The following GMEB1 variants were observed in gnomAD, a reference collection of about 807,000 sequenced individuals.
The protein encoded by GMEB1 is glucocorticoid modulatory element-binding protein 1.
Under a neutral mutation model 52.4 loss-of-function variants are expected in GMEB1, and 6 were observed. That is an observed-to-expected ratio of 0.11 (90% CI 0.06 to 0.23). The LOEUF (loss-of-function observed/expected upper bound fraction) is 0.23, where lower values mean the gene tolerates loss of function less well. Ranked by LOEUF, GMEB1 falls within the 10% of genes least tolerant of loss-of-function variation. GMEB1 has a pLI of 1.00. For synonymous variants in GMEB1, 255 were observed against 244.9 expected (o/e 1.04, Z -0.38); for missense variants, 486 against 685.6 (o/e 0.71, Z 3.25).
intron 3 of GMEB1, 126 bp from the exon 4 acceptor site, chr1:28,691,459 A>T (rs1669959440): frequency 1.9e-6 from 1 of 515,808 alleles, no homozygotes; most frequent in Non-Finnish European, 3.1e-6. Flanking sequence ...CTTCCAGAGG[A>T]TTCCTAAATG....
At chr1:28,673,682 G>A (rs1322992171) in intron 1 of GMEB1, among the ~76,000 whole-genome samples, 3 of 152,202 alleles carry the variant, frequency 2.0e-5, no homozygotes, top group Admixed American at 6.6e-5. Context: ...TATATAAGCA[G>A]CGATGTGCTT....
At chr1:28,699,741 T>C (rs1321920882) in intron 6 of GMEB1, among the ~76,000 whole-genome samples, 1 of 151,598 alleles carries the variant, frequency 6.6e-6, no homozygotes, top group Non-Finnish European at 1.5e-5. Flanking sequence ...TTTTTTGTTT[T>C]TTTTTTTCTT....
chr1:28,671,292 A>C (rs1026420324), intron 1 of GMEB1, among the ~76,000 whole-genome samples: 7 of 152,092 alleles, frequency 4.6e-5, no homozygotes, highest in Admixed American at 4.6e-4. Flanking sequence ...TTTTGGGGGA[A>C]CAGAGTTTCC....
intron 4 of GMEB1, among the ~76,000 whole-genome samples, 153 bp from the exon 5 acceptor site, chr1:28,692,789 A>G (rs1314084628): frequency 1.3e-5 from 2 of 152,180 alleles, no homozygotes; most frequent in African/African-American, 2.4e-5. Context: ...CGTCTTCTCT[A>G]ACACAATAGT....
At chr1:28,677,229 C>A in intron 1 of GMEB1, among the ~76,000 whole-genome samples, 1 of 150,568 alleles carries the variant, frequency 6.6e-6, no homozygotes, top group African/African-American at 2.4e-5. Context: ...TCAAGCATTT[C>A]AAATAAGGGA....
At chr1:28,683,110 G>C (rs1181999795) in intron 1 of GMEB1, among the ~76,000 whole-genome samples, 2 of 152,132 alleles carry the variant, frequency 1.3e-5, no homozygotes, top group Non-Finnish European at 2.9e-5. Context: ...GGAAGGATCA[G>C]AGCCTGTGAT....
chr1:28,676,901 A>C (rs1213804583), intron 1 of GMEB1, among the ~76,000 whole-genome samples: 8 of 151,954 alleles, frequency 5.3e-5, no homozygotes, highest in Non-Finnish European at 1.2e-4. Flanking sequence ...AAAATACAAA[A>C]AGATTAGCTA....
At chr1:28,697,368 C>T (rs188308094) in intron 6 of GMEB1, among the ~76,000 whole-genome samples, 3 of 151,922 alleles carry the variant, frequency 2.0e-5, no homozygotes, top group African/African-American at 7.2e-5. Flanking sequence ...GCCACCACAC[C>T]TGGCTAATTT....
At chr1:28,700,503 G>C (rs923433458) in intron 6 of GMEB1, among the ~76,000 whole-genome samples, 2 of 127,528 alleles carry the variant, frequency 1.6e-5, no homozygotes, top group Non-Finnish European at 3.2e-5. Context: ...GACAGAGCAA[G>C]ACTCCATCTC....
chr1:28,706,964 T>TAAAATTTTAAGAGATTTAAAATTTTAAA (rs2124573326), intron 8 of GMEB1, among the ~76,000 whole-genome samples: 1 of 143,870 alleles, frequency 7.0e-6, no homozygotes, highest in East Asian at 2.1e-4. Flanking sequence ...ACCATGCCTG[T>TAAAATTTTAAGAGATTTAAAATTTTAAA]CCTCCAGATT....
At position 28,716,702 on chromosome 1, in the gene GMEB1, A is replaced by G. The variant is rs1433139668; in HGVS notation, c.*1929A>G. On this transcript the variant is annotated 3_prime_UTR_variant, in exon 10 of 10. Coordinates refer to ENST00000373816, the MANE Select transcript of GMEB1 (RefSeq NM_001319674.2). The stretch of plus-strand genomic sequence containing the variant: ...AAAGAAGCATTGTCTGCAACATTAT[A>G]TTATAGGAAATGTACCAGGAATGTC... 4 of 145,212 alleles carry G rather than the reference A, an allele frequency of 2.8e-5. No individual in the cohort carries two copies. Among genetic ancestry groups the G allele is most frequent in the Non-Finnish European group, 4.5e-5 (3 of 66,296 alleles). The allele number at this position is 145,212 out of a possible 1,614,324, so 9.0% of individuals were successfully genotyped here. A position where few individuals can be genotyped will look rare whatever the true frequency, so the allele number is the denominator to read the frequency against.
chr1:28,714,285 C>T lies in GMEB1; in HGVS notation c.1204C>T (p.Pro402Ser), dbSNP rs1371981872. ...FTVISPITITPVGQSFSMGNI... is the reference protein window; with the variant it reads ...FTVISPITITSVGQSFSMGNI... ...AGTCATCTCACCCATCACCATCACCCCAGTGGGTCAGTCATTTTCCATGGG... is the reference window on the plus strand; with the variant it reads ...AGTCATCTCACCCATCACCATCACCTCAGTGGGTCAGTCATTTTCCATGGG... The change falls in exon 10 of 10, where the codon CCA (proline) becomes TCA (serine). Residue 402 changes from proline to serine, a missense_variant. Around this residue, in one of 5 missense-constraint regions of GMEB1, gnomAD observed 153 missense variants for 200.8 expected, o/e 0.76. Coordinates refer to ENST00000373816, the MANE Select transcript of GMEB1 (RefSeq NM_001319674.2). 6 of 1,614,202 alleles carry T rather than the reference C, an allele frequency of 3.7e-6. No homozygotes were observed. In the East Asian group the frequency reaches 1.3e-4, roughly 36 times the overall value.
chr1:28,687,362 ACACACAC>A (rs1557504064), intron 2 of GMEB1, among the ~76,000 whole-genome samples: 1 of 53,058 alleles, frequency 1.9e-5, no homozygotes, highest in African/African-American at 8.0e-5. Flanking sequence ...ACACACACAC[ACACACAC>A]ACACACACAC....
chr1:28,695,842 G>A (rs1670176208), intron 5 of GMEB1, among the ~76,000 whole-genome samples: 1 of 136,438 alleles, frequency 7.3e-6, no homozygotes, highest in Admixed American at 7.7e-5. Flanking sequence ...GGGAGGCTGA[G>A]GCAGGAGAAT....
chr1:28,710,938 G>A (rs1671031883), intron 9 of GMEB1, among the ~76,000 whole-genome samples: 1 of 151,948 alleles, frequency 6.6e-6, no homozygotes, highest in Non-Finnish European at 1.5e-5. Context: ...ACACAAATTG[G>A]TCTTTGTCTT....
chr1:28,678,458 C>T lies in GMEB1; in HGVS notation c.-30-5125C>T, dbSNP rs369202987. On this transcript the variant is annotated intron_variant, in intron 1 of 9. Transcript: ENST00000373816. The stretch of plus-strand genomic sequence containing the variant: ...CCGAGTAGCTTGGACTACAGGGGCC[C>T]GCCATCGCGCCTGGCTAATTTTTTG... Among the ~76,000 whole-genome samples, 379 of 151,740 alleles carry T rather than the reference C, an allele frequency of 2.5e-3. 13 individuals are homozygous for T. In the South Asian group the frequency reaches 0.074, roughly 30 times the overall value.
chr1:28,703,154 C>T (rs916367522), intron 7 of GMEB1, among the ~76,000 whole-genome samples: 3 of 152,214 alleles, frequency 2.0e-5, no homozygotes, highest in African/African-American at 7.2e-5. Flanking sequence ...GATCAGACTG[C>T]CTCCAACTTT....
chr1:28,686,702 T>G (rs1669664300), intron 2 of GMEB1, among the ~76,000 whole-genome samples: 1 of 151,592 alleles, frequency 6.6e-6, no homozygotes, highest in Non-Finnish European at 1.5e-5. Flanking sequence ...CACATAGTGG[T>G]CAACTTAGGA....
intron 1 of GMEB1, among the ~76,000 whole-genome samples, chr1:28,669,957 C>T (rs1668806386): frequency 6.6e-6 from 1 of 152,078 alleles, no homozygotes; most frequent in African/African-American, 2.4e-5. Context: ...CAGGCGCAGC[C>T]CTGGATTCTC....
Sources: allele counts gnomAD v4.1 joint callset (sites outside exome capture counted in the v4.1 genomes callset), GRCh38; gene constraint gnomAD v4.1.1; regional missense constraint gnomAD v4.1.1; transcripts MANE v1.5; gene names NCBI Gene and HGNC (gene_info 2026-07-23, HGNC 2026-07-21).